The following TXLNB variants were observed in gnomAD, a reference collection of about 807,000 sequenced individuals.
The protein encoded by TXLNB is taxilin beta.
TXLNB carries 37 observed loss-of-function variants against 57.4 expected under a neutral mutation model. That is an observed-to-expected ratio of 0.64 (90% CI 0.50 to 0.85). The LOEUF (loss-of-function observed/expected upper bound fraction) is 0.85. TXLNB is among the 40% of genes least tolerant of loss of function. TXLNB has a pLI of 0.00. For synonymous variants in TXLNB, 302 were observed against 309.6 expected, an observed-to-expected ratio of 0.98 and a Z score of 0.26; for missense variants, 848 against 825.6, an observed-to-expected ratio of 1.03 and a Z score of -0.33.
rs1292715123 is a variant in TXLNB at position 139,241,504 on chromosome 6, T to C, written c.*1022A>G. 1 of 152,144 alleles carries C rather than the reference T, an allele frequency of 6.6e-6. No individual in the cohort carries two copies. The highest frequency in any genetic ancestry group is 2.4e-5 in the African/African-American group (1 of 41,418). The allele number at this position is 152,144 out of a possible 1,614,324, so 9.4% of individuals were successfully genotyped here. ...GGATCAAAGCACAGCCCCTTCTTAG[T>C]GTGAGGTCCCTTAACCCCTCAATCC... On this transcript the variant is annotated 3_prime_UTR_variant, in exon 10 of 10. Coordinates refer to ENST00000358430, the MANE Select transcript of TXLNB (RefSeq NM_153235.4).
At chr6:139,312,116 G>T in the TXLNB span, among the ~76,000 whole-genome samples, 1 of 152,136 alleles carries the variant, frequency 6.6e-6, no homozygotes, top group African/African-American at 2.4e-5. Flanking sequence ...AGTTAAGAGT[G>T]AATAATCCAA....
chr6:139,244,020 C>A (rs1404555498), intron 9 of TXLNB, among the ~76,000 whole-genome samples: 2 of 152,140 alleles, frequency 1.3e-5, no homozygotes, highest in Non-Finnish European at 2.9e-5. Flanking sequence ...CATGGAGAGA[C>A]CTTCACCTGT....
chr6:139,300,396 G>T, the TXLNB span, among the ~76,000 whole-genome samples: 2 of 152,200 alleles, frequency 1.3e-5, no homozygotes, highest in African/African-American at 4.8e-5. Flanking sequence ...TTGGGACTGA[G>T]TGAGCAAATG....
the TXLNB span, among the ~76,000 whole-genome samples, chr6:139,210,599 G>T: frequency 6.6e-6 from 1 of 152,252 alleles, no homozygotes; most frequent in East Asian, 1.9e-4. Flanking sequence ...CTGAGGTACT[G>T]GGTTCATCTC....
At chr6:139,224,117 TA>T in the TXLNB span, among the ~76,000 whole-genome samples, 1 of 148,758 alleles carries the variant, frequency 6.7e-6, no homozygotes, top group East Asian at 2.0e-4. Flanking sequence ...TATGCAGCCA[TA>T]AAAAATGATG....
At chr6:139,270,036 C>G (rs922093373) in intron 4 of TXLNB, among the ~76,000 whole-genome samples, 1 of 152,082 alleles carries the variant, frequency 6.6e-6, no homozygotes, top group African/African-American at 2.4e-5. Flanking sequence ...GTCCATTTGT[C>G]TCATGTCATG....
the TXLNB span, among the ~76,000 whole-genome samples, chr6:139,182,770 G>A: frequency 6.6e-6 from 1 of 152,146 alleles, no homozygotes; most frequent in South Asian, 2.1e-4. Flanking sequence ...TTAGCATTGT[G>A]GTAATTATAT....
chr6:139,215,167 C>T, the TXLNB span, among the ~76,000 whole-genome samples: 1 of 152,128 alleles, frequency 6.6e-6, no homozygotes, highest in African/African-American at 2.4e-5. Flanking sequence ...CCCGCATTGC[C>T]AAGTCAATCC....
intron 6 of TXLNB, among the ~76,000 whole-genome samples, chr6:139,257,705 T>A (rs1776379491): frequency 6.6e-6 from 1 of 151,516 alleles, no homozygotes; most frequent in South Asian, 2.1e-4. Context: ...AATTTCCCAC[T>A]TTTAGTTTAT....
At chr6:139,210,664 G>A in the TXLNB span, among the ~76,000 whole-genome samples, 2 of 152,342 alleles carry the variant, frequency 1.3e-5, no homozygotes, top group Non-Finnish European at 2.9e-5. Flanking sequence ...CACCGTGCGT[G>A]AGCCAAAGCA....
the TXLNB span, among the ~76,000 whole-genome samples, chr6:139,303,414 T>C: frequency 6.6e-6 from 1 of 152,150 alleles, no homozygotes; most frequent in Non-Finnish European, 1.5e-5. Flanking sequence ...CCATGATATA[T>C]TAGGTTCCTG....
chr6:139,181,785 A>G, the TXLNB span, among the ~76,000 whole-genome samples: 1 of 152,336 alleles, frequency 6.6e-6, no homozygotes, highest in East Asian at 1.9e-4. Flanking sequence ...CCAGTTATAA[A>G]AGAGGGTGAA....
At chr6:139,253,277 T>C (rs968908208) in intron 7 of TXLNB, among the ~76,000 whole-genome samples, 7 of 152,190 alleles carry the variant, frequency 4.6e-5, no homozygotes, top group African/African-American at 1.4e-4. Flanking sequence ...CTACATATAT[T>C]ACATATGCAT....
At chr6:139,181,235 T>A in the TXLNB span, among the ~76,000 whole-genome samples, 1 of 152,254 alleles carries the variant, frequency 6.6e-6, no homozygotes, top group Non-Finnish European at 1.5e-5. Context: ...CGGCATGATT[T>A]GGTGAAATCA....
At chr6:139,320,466 T>C in the TXLNB span, among the ~76,000 whole-genome samples, 1 of 152,192 alleles carries the variant, frequency 6.6e-6, no homozygotes, top group South Asian at 2.1e-4. Context: ...AACTCAAGTT[T>C]CCTTCACTAA....
chr6:139,242,865 T>A lies in TXLNB; in HGVS notation c.1716A>T (p.Glu572Asp). 1 of 1,613,800 alleles carries A rather than the reference T, an allele frequency of 6.2e-7. No individual in the cohort carries two copies. Among genetic ancestry groups the A allele is most frequent in the Non-Finnish European group, 8.5e-7 (1 of 1,179,912 alleles). The change falls in exon 10 of 10, where the codon GAA becomes GAT. Residue 572 changes from glutamate to aspartate, a missense_variant. Transcript: ENST00000358430. Reference sequence around the variant, plus strand: ...GAGAATTACTGGCCTTGGAGGGAGGTTCAGCATCACTGCCTCCTTCGGCTT... The same window carrying A: ...GAGAATTACTGGCCTTGGAGGGAGGATCAGCATCACTGCCTCCTTCGGCTT... ...QAEAEGGSDA[E>D]PPSKASNSPA... is the part of the protein sequence containing the mutation.
chr6:139,212,856 C>G, the TXLNB span, among the ~76,000 whole-genome samples: 1 of 152,074 alleles, frequency 6.6e-6, no homozygotes. Context: ...AGACTCTAAA[C>G]CAACAAAGAT....
chr6:139,181,240 A>AAATC, the TXLNB span, among the ~76,000 whole-genome samples: 1 of 152,268 alleles, frequency 6.6e-6, no homozygotes, highest in Admixed American at 6.5e-5. Flanking sequence ...TGATTTGGTG[A>AAATC]AATCAAACTT....
At chr6:139,201,170 G>C in the TXLNB span, among the ~76,000 whole-genome samples, 14 of 152,148 alleles carry the variant, frequency 9.2e-5, no homozygotes, top group African/African-American at 3.4e-4. Context: ...ACAATATCTG[G>C]AACTTTATTC....
Sources: allele counts gnomAD v4.1 joint callset (sites outside exome capture counted in the v4.1 genomes callset), GRCh38; gene constraint gnomAD v4.1.1; transcripts MANE v1.5; gene names NCBI Gene and HGNC (gene_info 2026-07-23, HGNC 2026-07-21).